Variants in CRB2 observed in about 807,000 individuals in gnomAD.
CRB2 encodes protein crumbs homolog 2.
In CRB2, 85 loss-of-function variants were observed where a neutral mutation model predicts 110.9. The ratio of observed to expected loss-of-function variants is 0.77; its 90% CI spans 0.64 to 0.92. CRB2 has a LOEUF of 0.92. Among genes scored for constraint, CRB2 ranks in the 40% least tolerant of loss-of-function variants. The pLI, the probability that CRB2 is intolerant of heterozygous loss-of-function variation, is 0.00. For synonymous variants in CRB2, 907 were observed against 831.0 expected, an observed-to-expected ratio of 1.09 and a Z score of -1.57; for missense variants, 1,843 against 1,851.3, an observed-to-expected ratio of 1.00 and a Z score of 0.08.
At chr9:123,355,187 CTG>C (rs2041784428), upstream of CRB2, among the ~76,000 whole-genome samples, 1 of 152,206 alleles carries the variant, frequency 6.6e-6, no homozygotes, top group South Asian at 2.1e-4. Flanking sequence ...CTGAGATGAC[CTG>C]GCTTCCTGAA....
chr9:123,372,380 T>C (rs1372952532), intron 9 of CRB2, 38 bp downstream of exon 9: 4 of 1,556,756 alleles, frequency 2.6e-6, no homozygotes, highest in African/African-American at 1.4e-5. Flanking sequence ...TGCTGGGTGC[T>C]GGACACCTAA....
Position 123,366,247 on chromosome 9 carries a change from G to A in CRB2, c.635G>A (p.Gly212Asp), listed in dbSNP as rs574895796. Residue 212 changes from glycine to aspartate, a missense_variant, in exon 4 of 13, where the codon GGC (glycine) becomes GAC (aspartate). Coordinates refer to ENST00000373631, the MANE Select transcript of CRB2 (RefSeq NM_173689.7). ...CCCAGGTTCCGGTGCGACTGCGCGG[G>A]CACCGGCTACGAGGGCACGCACTGC... ...LVNGFRCDCA[G>D]TGYEGTHCER... 1.1e-5 allele frequency: 16 copies of A among 1,480,608 alleles called. No individual in the cohort carries two copies. The South Asian group carries it at 2.1e-4, about 19-fold the overall frequency. The allele number at this position is 1,480,608 out of a possible 1,614,324, so 91.7% of individuals were successfully genotyped here.
At position 123,367,102 on chromosome 9, in the gene CRB2, C is replaced by G. The variant is rs28647836; in HGVS notation, c.755-70C>G. The G allele has an allele frequency of 4.9e-3, 7,141 of 1,466,500 alleles. 286 individuals are homozygous for G. In the African/African-American group the frequency reaches 0.089, roughly 18 times the overall value. 90.8% of individuals were successfully genotyped at this position (1,466,500 alleles called of 1,614,324 possible). ...GCGGTCCCTTGCTGGCCCTCGCTAG[C>G]CTGGTCATAGTGAAGAGGTGCTGCC... On this transcript the variant is annotated intron_variant, in intron 4 of 12. Transcript: ENST00000373631.
At chr9:123,361,553 G>A (rs2041868954) in intron 1 of CRB2, among the ~76,000 whole-genome samples, 1 of 149,466 alleles carries the variant, frequency 6.7e-6, no homozygotes, top group Admixed American at 6.7e-5. Context: ...CTGGGGTCTG[G>A]TGAGTGTCTA....
At position 123,373,334 on chromosome 9, in the gene CRB2, G is replaced by C. The variant is rs2042045704; in HGVS notation, c.2803G>C (p.Gly935Arg). Residue 935 changes from glycine (G) to arginine (R), a missense_variant, in exon 10 of 13, where the codon GGA becomes CGA. Transcript: ENST00000373631. ...TGGCTCGCTGGCGGGGGGCGTGCGC[G>C]GAGGCCATGGCCTGCCCGGCGCTGT... ...RNGSLAGGVR[G>R]GHGLPGAVLP... 2.1e-6 allele frequency: 3 copies of C among 1,442,926 alleles called. No individual in the cohort carries two copies. Among genetic ancestry groups the C allele is most frequent in the Admixed American group, 5.6e-5 (2 of 35,954 alleles). 89.4% of individuals were successfully genotyped at this position (1,442,926 alleles called of 1,614,324 possible). A position where few individuals can be genotyped will look rare whatever the true frequency, so the allele number is the denominator to read the frequency against.
chr9:123,375,134 AGTG>A (rs1425490132), intron 11 of CRB2, 80 bp from the exon 12 acceptor site: 3 of 1,582,084 alleles, frequency 1.9e-6, no homozygotes, highest in African/African-American at 2.7e-5. Flanking sequence ...TGCTTGCTGA[AGTG>A]GGGATGGGCA....
chr9:123,356,252 CGGGCTGCCATGGCGCTGGCCAGGCCT>C lies in CRB2; in HGVS notation c.-5_21del, dbSNP rs2041796418. The C allele has an allele frequency of 1.3e-6, 2 of 1,482,566 alleles. No individual in the cohort carries two copies. The highest frequency in any genetic ancestry group is 2.9e-5 in the African/African-American group (2 of 69,844). 91.8% of individuals were successfully genotyped at this position (1,482,566 alleles called of 1,614,324 possible). ...CACAGCAGCCGAGCAGAGCGCAGAG[CGGGCTGCCATGGCGCTGGCCAGGCCT>C]GGGACCCCGGACCCCCAGGCCCTGG... On this transcript the variant is annotated start_lost and 5_prime_UTR_variant, in exon 1 of 13. Transcript: ENST00000373631.
At chr9:123,374,353 G>C (rs1393311692) in intron 10 of CRB2, among the ~76,000 whole-genome samples, 1 of 152,164 alleles carries the variant, frequency 6.6e-6, no homozygotes, top group Non-Finnish European at 1.5e-5. Context: ...AGCTGCTTTT[G>C]TTCAGAGTCC....
At chr9:123,356,475 G>A in intron 1 of CRB2, 121 bp downstream of exon 1, 2 of 682,126 alleles carry the variant, frequency 2.9e-6, no homozygotes, top group South Asian at 2.7e-5. Context: ...GGCCTGAGCT[G>A]TGGGGTGCAC....
chr9:123,375,459 G>A, intron 12 of CRB2, 116 bp downstream of exon 12: 3 of 1,273,688 alleles, frequency 2.4e-6, no homozygotes, highest in Non-Finnish European at 3.1e-6. Context: ...CTGTCATGGG[G>A]TGGGGCAGTG....
In CRB2 at chr9:123,363,111, C is replaced by T. The variant is rs1371347174; in HGVS notation, c.341C>T (p.Ser114Phe). Reference protein sequence around the residue: ...RCELDIDECASRPCHHGATCR... With the variant: ...RCELDIDECAFRPCHHGATCR... ...GAGCTGGACATCGATGAGTGTGCAT[C>T]CCGGCCGTGCCACCATGGGGCCACC... Residue 114 changes from serine (S) to phenylalanine (F), a missense_variant, in exon 2 of 13, where the codon TCC becomes TTC. Ser to Phe is a radical substitution (Grantham distance 155). Coordinates refer to ENST00000373631, the MANE Select transcript of CRB2 (RefSeq NM_173689.7). 6.2e-7 allele frequency: 1 copy of T among 1,610,954 alleles called. No individual in the cohort carries two copies. The highest frequency in any genetic ancestry group is 8.5e-7 in the Non-Finnish European group (1 of 1,179,864).
chr9:123,371,578 T>C lies in CRB2; in HGVS notation c.2436T>C (p.Ser812=), dbSNP rs914086963. The C allele has an allele frequency of 1.2e-6, 2 of 1,612,360 alleles. No homozygotes were observed. Among genetic ancestry groups the C allele is most frequent in the Non-Finnish European group, 8.5e-7 (1 of 1,179,996 alleles). The change falls in exon 8 of 13, where the codon AGT becomes AGC. Residue 812 remains serine (S), a splice_region_variant and synonymous_variant. Transcript: ENST00000373631. The stretch of plus-strand genomic sequence containing the variant: ...GCTGCGTCTCCGAGGACATGTGCAG[T>C]GTAAGTGTCTGGTGGCGGTGGTGGT... ...TAGCVSEDMC[S]PDPCFNGGTC...
intron 11 of CRB2, 100 bp from the exon 12 acceptor site, chr9:123,375,117 G>C: frequency 6.4e-7 from 1 of 1,556,440 alleles, no homozygotes; most frequent in Non-Finnish European, 8.7e-7. Context: ...GGATGGATAA[G>C]CTCTGATGCT....
chr9:123,355,921 C>T (rs1371257095), upstream of CRB2, among the ~76,000 whole-genome samples: 2 of 151,784 alleles, frequency 1.3e-5, no homozygotes, highest in African/African-American at 4.8e-5. Flanking sequence ...CCTGAACAGC[C>T]CCCTCTCCAA....
intron 12 of CRB2, among the ~76,000 whole-genome samples, 158 bp downstream of exon 12, chr9:123,375,501 A>C (rs1422621152): frequency 6.6e-6 from 1 of 152,096 alleles, no homozygotes; most frequent in Non-Finnish European, 1.5e-5. Context: ...CACACCCCCC[A>C]CACAAGAGGT....
Position 123,371,115 on chromosome 9 carries a change from C to T in CRB2, c.1973C>T (p.Ala658Val), listed in dbSNP as rs2042009170. 6.2e-7 allele frequency: 1 copy of T among 1,613,330 alleles called. No homozygotes were observed. Among genetic ancestry groups the T allele is most frequent in the Admixed American group, 1.7e-5 (1 of 60,006 alleles). ...GGCTTGGGAGGCGCCCCAAGCTCTG[C>T]CTCCTTTCTGCTCCAAGAGCTGCCA... ...TFGLGGAPSS[A>V]SFLLQELPGP... Residue 658 changes from alanine to valine, a missense_variant, in exon 8 of 13, where the codon GCC (alanine) becomes GTC (valine). Transcript: ENST00000373631.
Position 123,373,596 on chromosome 9 carries a change from TGCCCCTGCCCTTGGCGCG to T in CRB2, c.3071_3088del (p.Leu1024_Pro1029del). 1 of 1,385,576 alleles carries T rather than the reference TGCCCCTGCCCTTGGCGCG, an allele frequency of 7.2e-7. No individual in the cohort carries two copies. The highest frequency in any genetic ancestry group is 9.3e-7 in the Non-Finnish European group (1 of 1,074,618). 85.8% of individuals were successfully genotyped at this position (1,385,576 alleles called of 1,614,324 possible). A position where few individuals can be genotyped will look rare whatever the true frequency, so the allele number is the denominator to read the frequency against. ...TTGGGCCGCGTGGCGCTGGGCGGCCTGCCCCTGCCCTTGGCGCGGCCCCGGCCCGGCGCGGCCCCTGGC... is the reference window on the plus strand; with the variant it reads ...TTGGGCCGCGTGGCGCTGGGCGGCCTGCCCCGGCCCGGCGCGGCCCCTGGC... On this transcript the variant is annotated inframe_deletion, in exon 10 of 13. Coordinates refer to ENST00000373631, the MANE Select transcript of CRB2 (RefSeq NM_173689.7).
At chr9:123,360,316 G>T (rs1321357162) in intron 1 of CRB2, among the ~76,000 whole-genome samples, 3 of 152,288 alleles carry the variant, frequency 2.0e-5, no homozygotes, top group South Asian at 4.1e-4. Flanking sequence ...CTCCCTGCCA[G>T]GTCGGCCCAG....
chr9:123,379,214 GCTCA>G (rs1406559817), downstream of CRB2, among the ~76,000 whole-genome samples: 1 of 152,094 alleles, frequency 6.6e-6, no homozygotes, highest in Non-Finnish European at 1.5e-5. Context: ...CATGTTCCAC[GCTCA>G]CTATGGGGTG....
Sources: gnomAD v4.1 joint callset for allele counts (sites outside exome capture counted in the v4.1 genomes callset) on GRCh38, gnomAD v4.1.1 for gene constraint, MANE v1.5 for transcripts, NCBI Gene and HGNC (gene_info 2026-07-23, HGNC 2026-07-21) for gene names.